Variants in KMT2C observed in about 807,000 individuals in gnomAD.
KMT2C encodes lysine methyltransferase 2C.
KMT2C carries 88 observed loss-of-function variants against 507.9 expected under a neutral mutation model. The ratio of observed to expected loss-of-function variants is 0.17; its 90% CI spans 0.15 to 0.21. KMT2C has a LOEUF of 0.21. Among genes scored for constraint, KMT2C ranks in the 10% least tolerant of loss-of-function variants. KMT2C has a pLI of 1.00. For synonymous variants in KMT2C, 2,049 were observed against 2,080.8 expected (o/e 0.98, Z 0.42); for missense variants, 4,954 against 5,957.8 (o/e 0.83, Z 5.55).
In KMT2C at chr7:152,167,273, G is replaced by C; in HGVS notation, c.9623C>G (p.Ser3208Cys). The change falls in exon 42 of 59, where the codon TCT becomes TGT. Residue 3208 changes from serine (S) to cysteine (C), a missense_variant. This residue lies in a region of KMT2C where 71 missense variants were observed against 139.2 expected (regional missense o/e 0.51). Coordinates refer to ENST00000262189, the MANE Select transcript of KMT2C (RefSeq NM_170606.3). The part of the protein sequence containing the change: ...LEEQIGAHRK[S>C]KKALSAKQRT... ...TTGTTTAGCTGAAAGGGCCTTCTTA[G>C]ATTTTCTGTGAGCACCAATTTGTTC... is the stretch of plus-strand genomic sequence containing the variant. 1.9e-6 allele frequency: 3 copies of C among 1,614,000 alleles called. No individual in the cohort carries two copies. Among genetic ancestry groups the C allele is most frequent in the Middle Eastern group, 1.6e-4 (1 of 6,062 alleles).
At chr7:152,408,813 T>C (rs2097650169) in intron 1 of KMT2C, among the ~76,000 whole-genome samples, 1 of 141,378 alleles carries the variant, frequency 7.1e-6, no homozygotes, top group South Asian at 2.2e-4. Flanking sequence ...CAAGGTTTTG[T>C]TAAAAAAAAA....
At chr7:152,199,594 G>T in intron 26 of KMT2C, 135 bp from the exon 27 acceptor site, 1 of 443,382 alleles carries the variant, frequency 2.3e-6, no homozygotes, top group Non-Finnish European at 3.9e-6. Context: ...ACTGAATACA[G>T]AAGTATTAAA....
intron 1 of KMT2C, among the ~76,000 whole-genome samples, chr7:152,378,921 A>G (rs894740788): frequency 2.6e-5 from 4 of 152,166 alleles, no homozygotes; most frequent in African/African-American, 9.7e-5. Context: ...TATCTTCCTT[A>G]CAAATTTATA....
intron 3 of KMT2C, among the ~76,000 whole-genome samples, chr7:152,316,859 G>T (rs747190072): frequency 1.3e-5 from 2 of 151,248 alleles, no homozygotes; most frequent in Non-Finnish European, 2.9e-5. Flanking sequence ...AGTTGAAAAA[G>T]AAAATTTCTT....
intron 24 of KMT2C, among the ~76,000 whole-genome samples, chr7:152,205,489 G>C (rs946841703): frequency 6.6e-6 from 1 of 151,010 alleles, no homozygotes; most frequent in African/African-American, 2.4e-5. Flanking sequence ...AACAGTATCA[G>C]TGTAAATATC....
chr7:152,207,551 G>A, intron 23 of KMT2C, 123 bp from the exon 24 acceptor site: 2 of 768,252 alleles, frequency 2.6e-6, no homozygotes, highest in East Asian at 2.8e-5. Context: ...CCTGTTGGTA[G>A]GGAAAGTATG....
chr7:152,184,030 CCA>C (rs1345990668), intron 34 of KMT2C, among the ~76,000 whole-genome samples: 1 of 149,784 alleles, frequency 6.7e-6, no homozygotes, highest in African/African-American at 2.5e-5. Flanking sequence ...CGAGATCGCA[CCA>C]TTGCACTCCA....
Position 152,162,280 on chromosome 7 carries a change from G to C in KMT2C, c.11297C>G (p.Pro3766Arg). 2 of 1,614,144 alleles carry C rather than the reference G, an allele frequency of 1.2e-6. No individual in the cohort carries two copies. The highest frequency in any genetic ancestry group is 1.6e-4 in the Middle Eastern group (1 of 6,062). The change falls in exon 43 of 59, where the codon CCT becomes CGT. Residue 3766 changes from proline (P) to arginine (R), a missense_variant. Pro to Arg is a moderately radical substitution (Grantham distance 103). Around this residue, in one of 29 missense-constraint regions of KMT2C, gnomAD observed 801 missense variants for 751.2 expected, o/e 1.07. Transcript: ENST00000262189. ...AQSPPHSAGA[P>R]AAKGDSGNEL... ...ATTCCCTGAGTCTCCTTTGGCAGCA[G>C]GGGCCCCAGCAGAATGGGGAGGACT...
chr7:152,195,670 G>T, intron 28 of KMT2C: 1 of 416,932 alleles, frequency 2.4e-6, no homozygotes, highest in Non-Finnish European at 3.2e-6. Flanking sequence ...AGACTTTAAG[G>T]CAACATGCCT....
chr7:152,198,114 T>C (rs933450113), intron 27 of KMT2C, among the ~76,000 whole-genome samples: 3 of 152,198 alleles, frequency 2.0e-5, no homozygotes, highest in Non-Finnish European at 1.5e-5. Context: ...TCTTTCATTA[T>C]ACATTATTTT....
At chr7:152,326,773 T>C (rs1433245036) in intron 3 of KMT2C, among the ~76,000 whole-genome samples, 3 of 151,904 alleles carry the variant, frequency 2.0e-5, no homozygotes, top group Admixed American at 6.6e-5. Flanking sequence ...CCCAGCTACT[T>C]GGGAGGCTGA....
Position 152,348,621 on chromosome 7 carries a change from A to AAAG in KMT2C, c.250+9965_250+9966insCTT, listed in dbSNP as rs1563946758. 1.5e-3 allele frequency among the ~76,000 whole-genome samples: 216 copies of AAAG among 143,146 alleles called. 2 individuals carry two copies. Among genetic ancestry groups the AAAG allele is most frequent in the African/African-American group, 6.0e-3 (208 of 34,838 alleles). 93.9% of individuals were successfully genotyped at this position (143,146 alleles called of 152,430 possible). On this transcript the variant is annotated intron_variant, in intron 2 of 58. Transcript: ENST00000262189. Reference sequence around the variant, plus strand: ...TCTTAAAAAAAAAAAAAAAAAAAAAAAAAGAAAGAAAGAAAGAAAAAAAGC... The same window carrying AAAG: ...TCTTAAAAAAAAAAAAAAAAAAAAAAAAGAAAGAAAGAAAGAAAGAAAAAAAGC...
chr7:152,167,290 A>G lies in KMT2C; in HGVS notation c.9606T>C (p.Ile3202=), dbSNP rs1359877773. The G allele has an allele frequency of 1.9e-6, 3 of 1,614,026 alleles. No individual in the cohort carries two copies. The highest frequency in any genetic ancestry group is 4.5e-5 in the East Asian group (2 of 44,882). ...CCTTCTTAGATTTTCTGTGAGCACC[A>G]ATTTGTTCTTCAAGATACTTCTGCT... ...QMQQKYLEEQ[I]GAHRKSKKAL... The change falls in exon 42 of 59, where the codon ATT becomes ATC. Residue 3202 remains isoleucine (I), a synonymous_variant. Coordinates refer to ENST00000262189, the MANE Select transcript of KMT2C (RefSeq NM_170606.3).
chr7:152,289,474 T>G (rs1468295547), intron 6 of KMT2C, among the ~76,000 whole-genome samples: 3 of 152,228 alleles, frequency 2.0e-5, no homozygotes, highest in East Asian at 3.8e-4. Context: ...GAGGAAAGAA[T>G]TTGTGATCAT....
chr7:152,172,281 A>G (rs552655941), intron 39 of KMT2C, among the ~76,000 whole-genome samples: 1 of 152,314 alleles, frequency 6.6e-6, no homozygotes, highest in Non-Finnish European at 1.5e-5. Context: ...ATTTCTAAAA[A>G]GCAGTCAGTA....
At chr7:152,415,962 G>A (rs564112940) in intron 1 of KMT2C, among the ~76,000 whole-genome samples, 1 of 152,020 alleles carries the variant, frequency 6.6e-6, no homozygotes, top group Non-Finnish European at 1.5e-5. Flanking sequence ...CTTTTTTTCT[G>A]TTGTTAAGAT....
chr7:152,375,776 T>C (rs889907584), intron 1 of KMT2C, among the ~76,000 whole-genome samples: 1 of 152,174 alleles, frequency 6.6e-6, no homozygotes, highest in Non-Finnish European at 1.5e-5. Context: ...ATTTTGAACT[T>C]TTTCATTATT....
chr7:152,251,535 T>C (rs1484803972), intron 11 of KMT2C, among the ~76,000 whole-genome samples: 1 of 152,156 alleles, frequency 6.6e-6, no homozygotes, highest in Non-Finnish European at 1.5e-5. Flanking sequence ...AAATATTCCA[T>C]ACCTGAACAA....
At chr7:152,366,525 T>C (rs1456864029) in intron 1 of KMT2C, among the ~76,000 whole-genome samples, 1 of 152,220 alleles carries the variant, frequency 6.6e-6, no homozygotes, top group Non-Finnish European at 1.5e-5. Flanking sequence ...ATTCCACTTA[T>C]ATAAGGTACT....
Sources: gnomAD v4.1 joint callset for allele counts (sites outside exome capture counted in the v4.1 genomes callset) on GRCh38, gnomAD v4.1.1 for gene constraint, gnomAD v4.1.1 regional missense constraint, MANE v1.5 for transcripts, NCBI Gene and HGNC (gene_info 2026-07-23, HGNC 2026-07-21) for gene names.